The following FER1L6 variants were observed in gnomAD, a reference collection of about 807,000 sequenced individuals.
The protein encoded by FER1L6 is fer-1 like family member 6, also known as fer-1-like protein 6.
Under a neutral mutation model 219.2 loss-of-function variants are expected in FER1L6, and 177 were observed. That is an observed-to-expected ratio of 0.81 (90% confidence interval 0.71 to 0.91). The LOEUF is 0.91. Among genes scored for constraint, FER1L6 ranks in the 40% least tolerant of loss-of-function variants. The probability of loss-of-function intolerance (pLI) is 0.00; values close to 1 mark genes in which losing one functional copy is unlikely to be tolerated. For synonymous variants in FER1L6, 768 were observed against 824.3 expected, an observed-to-expected ratio of 0.93 and a Z score of 1.17; for missense variants, 2,153 against 2,259.9, an observed-to-expected ratio of 0.95 and a Z score of 0.96.
chr8:124,070,400 C>A, intron 29 of FER1L6, 67 bp from the exon 30 acceptor site: 2 of 1,565,190 alleles, frequency 1.3e-6, no homozygotes, highest in Non-Finnish European at 1.7e-6. Flanking sequence ...AGAATCTTGG[C>A]ATTTCTCATT....
chr8:124,094,747 A>G (rs1398838791), intron 34 of FER1L6, 149 bp from the exon 35 acceptor site: 4 of 869,390 alleles, frequency 4.6e-6, no homozygotes, highest in Non-Finnish European at 7.3e-6. Context: ...TTGGCCTCCC[A>G]AAGTGCTGGG....
At position 124,049,606 on chromosome 8, in the gene FER1L6, G is replaced by T; in HGVS notation, c.2725-1G>T. 1 of 1,613,700 alleles carries T rather than the reference G, an allele frequency of 6.2e-7. No homozygotes were observed. The highest frequency in any genetic ancestry group is 2.2e-5 in the East Asian group (1 of 44,854). On this transcript the variant is annotated splice_acceptor_variant, in intron 21 of 40. Coordinates refer to ENST00000522917, the MANE Select transcript of FER1L6 (RefSeq NM_001039112.2). LOFTEE classifies it high-confidence loss of function. ...ACAAACTCATTTCTTTTCTTCTTTA[G>T]GGGAAGCCAGAATATTTGGGTGCCA...
chr8:123,979,657 A>C (rs1412753018), intron 10 of FER1L6, among the ~76,000 whole-genome samples: 2 of 152,172 alleles, frequency 1.3e-5, no homozygotes, highest in Non-Finnish European at 2.9e-5. Context: ...CTATGTTCAG[A>C]ACATATCTTG....
At chr8:124,093,300 A>G (rs998602594) in intron 34 of FER1L6, among the ~76,000 whole-genome samples, 2 of 152,048 alleles carry the variant, frequency 1.3e-5, no homozygotes, top group African/African-American at 4.8e-5. Flanking sequence ...GCAGGGACAC[A>G]GACCCAAACC....
At chr8:123,886,463 G>C (rs1296609434) in intron 1 of FER1L6, among the ~76,000 whole-genome samples, 1 of 152,164 alleles carries the variant, frequency 6.6e-6, no homozygotes, top group Non-Finnish European at 1.5e-5. Flanking sequence ...GTTCCCCTTT[G>C]ACCTACTGAC....
chr8:124,070,963 A>G (rs1220964093), intron 30 of FER1L6, among the ~76,000 whole-genome samples: 1 of 152,242 alleles, frequency 6.6e-6, no homozygotes, highest in Non-Finnish European at 1.5e-5. Context: ...GCAGACTTAC[A>G]GTGTGAACAT....
chr8:124,012,962 G>A (rs1325565492), intron 14 of FER1L6, among the ~76,000 whole-genome samples: 1 of 152,124 alleles, frequency 6.6e-6, no homozygotes, highest in Non-Finnish European at 1.5e-5. Flanking sequence ...CCATTATCTG[G>A]CCCAAAACTC....
At chr8:123,883,352 A>T (rs141438354) in intron 1 of FER1L6, among the ~76,000 whole-genome samples, 126 of 152,336 alleles carry the variant, frequency 8.3e-4, no homozygotes, top group African/African-American at 2.9e-3. Flanking sequence ...AAGCATTGGC[A>T]TGCAGGCACA....
chr8:123,892,974 A>G (rs1812675993), intron 1 of FER1L6, among the ~76,000 whole-genome samples: 1 of 152,168 alleles, frequency 6.6e-6, no homozygotes. Flanking sequence ...GGTAATATGC[A>G]TTCCAGGATT....
intron 33 of FER1L6, 144 bp downstream of exon 33, chr8:124,082,602 A>G (rs922136270): frequency 1.3e-5 from 9 of 694,964 alleles, no homozygotes; most frequent in Admixed American, 5.8e-5. Flanking sequence ...CCACATCAGC[A>G]GAGCTGGCTT....
intron 1 of FER1L6, among the ~76,000 whole-genome samples, chr8:123,877,598 G>A (rs544044537): frequency 1.3e-5 from 2 of 152,156 alleles, no homozygotes; most frequent in South Asian, 2.1e-4. Flanking sequence ...TTGGGGAACC[G>A]TTCTCTGAGA....
At chr8:123,902,320 T>C (rs1277119133) in intron 1 of FER1L6, among the ~76,000 whole-genome samples, 3 of 152,204 alleles carry the variant, frequency 2.0e-5, no homozygotes, top group Non-Finnish European at 2.9e-5. Flanking sequence ...ATCTGTTAAG[T>C]CCATTTGTTT....
intron 1 of FER1L6, among the ~76,000 whole-genome samples, chr8:123,890,541 A>G (rs918991810): frequency 4.0e-5 from 6 of 150,250 alleles, no homozygotes; most frequent in African/African-American, 1.5e-4. Flanking sequence ...ACAAGTTATC[A>G]TTTATTTTGT....
intron 1 of FER1L6, among the ~76,000 whole-genome samples, chr8:123,920,626 C>T (rs776178351): frequency 4.6e-5 from 7 of 152,200 alleles, no homozygotes; most frequent in Non-Finnish European, 1.0e-4. Flanking sequence ...GGAGGATACA[C>T]TTAGTGACCT....
At chr8:123,929,396 TAGAC>T (rs1473482410) in intron 1 of FER1L6, among the ~76,000 whole-genome samples, 1 of 152,144 alleles carries the variant, frequency 6.6e-6, no homozygotes, top group Admixed American at 6.6e-5. Flanking sequence ...CACAGAGACA[TAGAC>T]AGTAAGTAGT....
At chr8:123,857,853 A>G (rs1816675937) in intron 1 of FER1L6, among the ~76,000 whole-genome samples, 1 of 152,128 alleles carries the variant, frequency 6.6e-6, no homozygotes, top group African/African-American at 2.4e-5. Context: ...AAAAGCAGAA[A>G]CTAATTTATA....
At chr8:124,057,570 C>T (rs936314039) in intron 22 of FER1L6, among the ~76,000 whole-genome samples, 3 of 152,090 alleles carry the variant, frequency 2.0e-5, no homozygotes, top group Non-Finnish European at 2.9e-5. Flanking sequence ...TTCTATTCCT[C>T]CTCTTTTCTC....
At chr8:123,954,247 G>T (rs1814913634) in intron 1 of FER1L6, among the ~76,000 whole-genome samples, 1 of 152,118 alleles carries the variant, frequency 6.6e-6, no homozygotes, top group Non-Finnish European at 1.5e-5. Context: ...GGGTCTCAAA[G>T]GATCCTTGAA....
In FER1L6 at chr8:123,932,999, C is replaced by T. The variant is rs560797028; in HGVS notation, c.-7-22993C>T. 2.0e-5 allele frequency among the ~76,000 whole-genome samples: 3 copies of T among 152,318 alleles called. No homozygotes were observed. The East Asian group carries it at 5.8e-4, about 29-fold the overall frequency. On this transcript the variant is annotated intron_variant, in intron 1 of 40. Transcript: ENST00000522917. Reference sequence around the variant, plus strand: ...CTGCCACTAATGACCTGATTTTATACCAGCCATTCAACCTCTGTGAGCCCC... The same window carrying T: ...CTGCCACTAATGACCTGATTTTATATCAGCCATTCAACCTCTGTGAGCCCC...
Sources: allele counts gnomAD v4.1 joint callset (sites outside exome capture counted in the v4.1 genomes callset), GRCh38; gene constraint gnomAD v4.1.1; transcripts MANE v1.5; gene names NCBI Gene and HGNC (gene_info 2026-07-23, HGNC 2026-07-21).